The following ANKS1B variants were observed in gnomAD, a reference collection of about 807,000 sequenced individuals.
ANKS1B encodes ankyrin repeat and sterile alpha motif domain-containing protein 1B.
ANKS1B carries 36 observed loss-of-function variants against 148.3 expected under a neutral mutation model. The ratio of observed to expected loss-of-function variants is 0.24; its 90% CI spans 0.19 to 0.32. The LOEUF is 0.32. Ranked by LOEUF, ANKS1B falls within the 10% of genes least tolerant of loss-of-function variation. The probability of loss-of-function intolerance (pLI) is 1.00; values close to 1 mark genes in which losing one functional copy is unlikely to be tolerated. For synonymous variants in ANKS1B, 542 were observed against 560.8 expected, an observed-to-expected ratio of 0.97 and a Z score of 0.47; for missense variants, 1,157 against 1,542.6, an observed-to-expected ratio of 0.75 and a Z score of 4.19.
intron 14 of ANKS1B, among the ~76,000 whole-genome samples, chr12:99,180,498 A>G (rs2078974355): frequency 6.6e-6 from 1 of 152,182 alleles, no homozygotes; most frequent in Non-Finnish European, 1.5e-5. Flanking sequence ...TTTCCCAAAA[A>G]GTTGATTATA....
intron 1 of ANKS1B, among the ~76,000 whole-genome samples, chr12:99,863,268 C>G (rs1020940971): frequency 6.6e-6 from 1 of 152,122 alleles, no homozygotes; most frequent in Non-Finnish European, 1.5e-5. Flanking sequence ...AGTCAACATT[C>G]CCCAAAACCA....
intron 11 of ANKS1B, among the ~76,000 whole-genome samples, chr12:99,437,308 C>T (rs1188304079): frequency 6.6e-6 from 1 of 151,932 alleles, no homozygotes; most frequent in African/African-American, 2.4e-5. Context: ...AAAGGCCCCA[C>T]TTTTTAATAC....
rs561237889 is a variant in ANKS1B, at chr12:99,012,206, G to A, written c.2778+40951C>T. ...AAAATCTTGTGTCTTGAAAACAAGT[G>A]TTAAAAAGTAAAACTGACCAGATGT... On this transcript the variant is annotated intron_variant, in intron 17 of 26. Transcript: ENST00000683438. 1.9e-4 allele frequency among the ~76,000 whole-genome samples: 29 copies of A among 152,140 alleles called. 1 individual carries two copies. The Middle Eastern group carries it at 9.5e-3, about 50-fold the overall frequency.
Position 99,531,102 on chromosome 12 carries a change from C to T in ANKS1B, c.1273-26461G>A, listed in dbSNP as rs901617554. Among the ~76,000 whole-genome samples the T allele has an allele frequency of 7.9e-5, 12 of 152,126 alleles. 1 individual carries two copies. In the South Asian group the frequency reaches 1.7e-3, roughly 21 times the overall value. On this transcript the variant is annotated intron_variant, in intron 9 of 26. Coordinates refer to ENST00000683438, the MANE Select transcript of ANKS1B (RefSeq NM_001352186.2). ...AGGCAATCATAAATTCTACTTAGTCCAGTAAGAATTTTGTGGCTACACTTG... is the reference window on the plus strand; with the variant it reads ...AGGCAATCATAAATTCTACTTAGTCTAGTAAGAATTTTGTGGCTACACTTG...
At chr12:99,066,756 G>A (rs2044490210) in intron 16 of ANKS1B, among the ~76,000 whole-genome samples, 1 of 152,182 alleles carries the variant, frequency 6.6e-6, no homozygotes, top group Non-Finnish European at 1.5e-5. Flanking sequence ...TAGATTCTGG[G>A]TATCTTGACG....
intron 8 of ANKS1B, among the ~76,000 whole-genome samples, chr12:99,748,176 C>A (rs2060780652): frequency 6.6e-6 from 1 of 152,024 alleles, no homozygotes; most frequent in African/African-American, 2.4e-5. Flanking sequence ...TTGGGTGCCA[C>A]AAATTGCAAC....
intron 17 of ANKS1B, among the ~76,000 whole-genome samples, chr12:98,969,659 TAA>T (rs2099881523): frequency 6.6e-6 from 1 of 152,224 alleles, no homozygotes; most frequent in African/African-American, 2.4e-5. Flanking sequence ...AAGCTGCATT[TAA>T]GAGAAAGTGT....
intron 9 of ANKS1B, among the ~76,000 whole-genome samples, chr12:99,542,444 G>T (rs1369547203): frequency 1.3e-5 from 2 of 152,028 alleles, no homozygotes; most frequent in African/African-American, 4.8e-5. Context: ...CATGGTCATG[G>T]GTTAGAAGAC....
At chr12:99,062,216 T>G (rs2042673967) in intron 16 of ANKS1B, among the ~76,000 whole-genome samples, 1 of 152,202 alleles carries the variant, frequency 6.6e-6, no homozygotes, top group Non-Finnish European at 1.5e-5. Flanking sequence ...ATTTTCTGAT[T>G]AGTAATGTGA....
At chr12:99,589,182 T>C (rs1054376608) in intron 9 of ANKS1B, among the ~76,000 whole-genome samples, 1 of 152,184 alleles carries the variant, frequency 6.6e-6, no homozygotes, top group Non-Finnish European at 1.5e-5. Context: ...CAGAAATGTA[T>C]ATGGATTTCC....
intron 9 of ANKS1B, among the ~76,000 whole-genome samples, chr12:99,624,047 C>A (rs922925955): frequency 1.3e-5 from 2 of 151,940 alleles, no homozygotes; most frequent in Non-Finnish European, 2.9e-5. Context: ...GGTACTCTTA[C>A]AAAAATAGAC....
chr12:99,341,884 T>C (rs538319579), intron 12 of ANKS1B, among the ~76,000 whole-genome samples: 6 of 152,262 alleles, frequency 3.9e-5, no homozygotes, highest in Admixed American at 3.3e-4. Flanking sequence ...TTTTAACTAC[T>C]ACAATATTTA....
chr12:98,735,375 A>AAAT (rs2097768168), exon 10 of ANKS1B: 2 of 431,010 alleles, frequency 4.6e-6, no homozygotes, highest in Non-Finnish European at 8.2e-6. Flanking sequence ...ATACATTTTA[A>AAAT]AATATGAATT....
intron 1 of ANKS1B, among the ~76,000 whole-genome samples, chr12:99,888,969 A>ACACACACACACACACAC: frequency 6.8e-6 from 1 of 147,300 alleles, no homozygotes; most frequent in African/African-American, 2.5e-5. Flanking sequence ...CCTTCGCCAA[A>ACACACACACACACACAC]ACACACACAC....
intron 15 of ANKS1B, among the ~76,000 whole-genome samples, chr12:99,107,646 A>T (rs2059496793): frequency 6.6e-6 from 1 of 152,228 alleles, no homozygotes; most frequent in African/African-American, 2.4e-5. Flanking sequence ...TTGCATCAAG[A>T]CCGAGCTATC....
chr12:99,528,114 C>G (rs2096945731), intron 9 of ANKS1B, among the ~76,000 whole-genome samples: 1 of 152,002 alleles, frequency 6.6e-6, no homozygotes, highest in South Asian at 2.1e-4. Flanking sequence ...CAAAAACAAG[C>G]AACGGGAAAA....
intron 15 of ANKS1B, among the ~76,000 whole-genome samples, chr12:99,149,484 C>A (rs1362403223): frequency 6.6e-6 from 1 of 152,108 alleles, no homozygotes; most frequent in Admixed American, 6.6e-5. Context: ...ATTGTTATTT[C>A]TTATTCTGTA....
At chr12:99,808,674 C>A (rs541221750) in intron 3 of ANKS1B, among the ~76,000 whole-genome samples, 1 of 152,112 alleles carries the variant, frequency 6.6e-6, no homozygotes. Flanking sequence ...TTACTTCACA[C>A]CATGAAAACA....
intron 12 of ANKS1B, among the ~76,000 whole-genome samples, chr12:99,363,992 C>A (rs1409303609): frequency 6.6e-6 from 1 of 152,086 alleles, no homozygotes; most frequent in African/African-American, 2.4e-5. Flanking sequence ...CTCCCTCTCA[C>A]CAAGGGGAGG....
Sources: gnomAD v4.1 joint callset for allele counts (sites outside exome capture counted in the v4.1 genomes callset) on GRCh38, gnomAD v4.1.1 for gene constraint, MANE v1.5 for transcripts, NCBI Gene and HGNC (gene_info 2026-07-23, HGNC 2026-07-21) for gene names.